The following PRDM15 variants were observed in gnomAD, a reference collection of about 807,000 sequenced individuals.
PRDM15 encodes the protein PR/SET domain 15.
Under a neutral mutation model 128.6 loss-of-function variants are expected in PRDM15, and 64 were observed. The ratio of observed to expected loss-of-function variants is 0.50; its 90% CI spans 0.41 to 0.61. The LOEUF is 0.61. Ranked by LOEUF, PRDM15 falls within the 20% of genes least tolerant of loss-of-function variation. The probability of loss-of-function intolerance (pLI) is 0.00; values close to 1 mark genes in which losing one functional copy is unlikely to be tolerated. For missense variants in PRDM15, 1,242 were observed against 1,569.1 expected (o/e 0.79, Z 3.52); for synonymous variants, 615 against 621.8 (o/e 0.99, Z 0.16).
chr21:41,838,013 C>A lies in PRDM15; in HGVS notation c.922G>T (p.Ala308Ser), dbSNP rs763564984. Residue 308 changes from alanine (A) to serine (S), a missense_variant, in exon 8 of 24, where the codon GCA becomes TCA. Ala to Ser is a moderately conservative substitution (Grantham distance 99). Coordinates refer to ENST00000398548, the MANE Select transcript of PRDM15 (RefSeq NM_001040424.3). ...TCCATGATCCGCTCATCTGGCGTTG[C>A]ACTCACAGGCTCATCCGGAGGGACC... Reference protein sequence around the residue: ...TEVPPDEPVSATPDERIMELV... With the variant: ...TEVPPDEPVSSTPDERIMELV... The A allele has an allele frequency of 3.7e-6, 6 of 1,614,068 alleles. No individual in the cohort carries two copies. In the African/African-American group the frequency reaches 6.7e-5, roughly 18 times the overall value.
intron 6 of PRDM15, among the ~76,000 whole-genome samples, chr21:41,844,475 C>T (rs2063173056): frequency 9.4e-6 from 1 of 106,008 alleles, no homozygotes; most frequent in Admixed American, 1.1e-4. Flanking sequence ...CCTCCCCCCT[C>T]ACAGGGACAC....
intron 10 of PRDM15, 151 bp downstream of exon 10, chr21:41,835,962 A>AC: frequency 5.6e-5 from 7 of 124,748 alleles, no homozygotes; most frequent in South Asian, 1.2e-4. Context: ...CCTCCCCCAC[A>AC]GCCCCCGCCC....
rs2064548413 is a variant in PRDM15, at chr21:41,879,173, C to A, written c.-10+97G>T. ...GCGCGGGGGGCGGGGGGCAGCGGGC[C>A]CAGGGCGCGCCGGGGCTCGCGGGGG... On this transcript the variant is annotated intron_variant, in intron 1 of 23. Transcript: ENST00000398548. This position sits in a 1 kb window ranked among gnomAD's most constrained non-coding sequence, Gnocchi z 5.1. The A allele has an allele frequency of 4.6e-6, 4 of 875,608 alleles. No homozygotes were observed. Among genetic ancestry groups the A allele is most frequent in the Non-Finnish European group, 5.5e-6 (4 of 730,846 alleles). The allele number at this position is 875,608 out of a possible 1,614,324, so 54.2% of individuals were successfully genotyped here.
At position 41,879,317 on chromosome 21, in the gene PRDM15, C is replaced by T; in HGVS notation, c.-57G>A. The T allele has an allele frequency of 9.1e-7, 1 of 1,093,374 alleles. No individual in the cohort carries two copies. Among genetic ancestry groups the T allele is most frequent in the Non-Finnish European group, 1.1e-6 (1 of 890,156 alleles). The allele number at this position is 1,093,374 out of a possible 1,614,324, so 67.7% of individuals were successfully genotyped here. On this transcript the variant is annotated 5_prime_UTR_variant, in exon 1 of 24. Transcript: ENST00000398548. The surrounding 1 kb of genome is among the most constrained non-coding windows in gnomAD (Gnocchi z 5.1). Reference sequence around the variant, plus strand: ...GGGATCGGATCCGGACTCCGGGTTGCGATCCGCTCCGGAAACTGCGCAGCA... The same window carrying T: ...GGGATCGGATCCGGACTCCGGGTTGTGATCCGCTCCGGAAACTGCGCAGCA...
At position 41,865,836 on chromosome 21, in the gene PRDM15, G is replaced by A. The variant is rs191530283; in HGVS notation, c.-9-5464C>T. Among the ~76,000 whole-genome samples the A allele has an allele frequency of 7.6e-4, 115 of 152,056 alleles. 1 individual carries two copies. The highest frequency in any genetic ancestry group is 1.3e-3 in the Admixed American group (20 of 15,270). ...CACAGCTCACTATAGCCTCAAACTCGTGACCTCCTGCGATCCTCCAGCTTC... is the reference window on the plus strand; with the variant it reads ...CACAGCTCACTATAGCCTCAAACTCATGACCTCCTGCGATCCTCCAGCTTC... On this transcript the variant is annotated intron_variant, in intron 1 of 23. Coordinates refer to ENST00000398548, the MANE Select transcript of PRDM15 (RefSeq NM_001040424.3).
intron 22 of PRDM15, among the ~76,000 whole-genome samples, chr21:41,804,012 T>C (rs2061490089): frequency 6.7e-6 from 1 of 150,276 alleles, no homozygotes; most frequent in Admixed American, 6.6e-5. Context: ...TTGCCTGGGC[T>C]GGAGCGCAGT....
At chr21:41,860,130 T>C (rs2063766066) in intron 2 of PRDM15, among the ~76,000 whole-genome samples, 197 bp downstream of exon 2, 3 of 152,226 alleles carry the variant, frequency 2.0e-5, no homozygotes, top group African/African-American at 7.2e-5. Flanking sequence ...AGAAAGGTGA[T>C]CCTATTAAAA....
chr21:41,826,889 G>A (rs1280058150), intron 12 of PRDM15, among the ~76,000 whole-genome samples: 1 of 152,092 alleles, frequency 6.6e-6, no homozygotes, highest in Non-Finnish European at 1.5e-5. Flanking sequence ...AAGACGACCC[G>A]AGTTACATTA....
intron 5 of PRDM15, among the ~76,000 whole-genome samples, chr21:41,850,813 G>A (rs2839395): frequency 0.63 from 96,149 of 152,064 alleles, 30,672 homozygotes; most frequent in Admixed American, 0.71. Context: ...ACTTTTAAAG[G>A]GATGTGTTAC....
intron 6 of PRDM15, among the ~76,000 whole-genome samples, chr21:41,841,179 G>C (rs1185587659): frequency 1.3e-5 from 2 of 152,086 alleles, no homozygotes; most frequent in Admixed American, 1.3e-4. Flanking sequence ...ATCTGTAACA[G>C]GGAAAACAAA....
intron 19 of PRDM15, chr21:41,814,236 G>A (rs1286122409): frequency 1.6e-5 from 1 of 61,946 alleles, no homozygotes; most frequent in African/African-American, 6.4e-5. Context: ...TAGTGATTGC[G>A]CAGGGTGCCC....
chr21:41,856,725 G>A (rs1053114777), intron 4 of PRDM15, among the ~76,000 whole-genome samples: 7 of 152,144 alleles, frequency 4.6e-5, no homozygotes, highest in Admixed American at 1.3e-4. Context: ...TTTTTAGAAC[G>A]GCCAAACTTC....
chr21:41,840,737 G>A (rs1035489581), intron 6 of PRDM15, among the ~76,000 whole-genome samples: 18 of 151,350 alleles, frequency 1.2e-4, no homozygotes, highest in African/African-American at 4.4e-4. Flanking sequence ...AAGCTGAGAG[G>A]AGAAAACTGG....
chr21:41,839,228 G>A (rs907986590), intron 7 of PRDM15, among the ~76,000 whole-genome samples: 13 of 152,196 alleles, frequency 8.5e-5, no homozygotes, highest in African/African-American at 2.9e-4. Flanking sequence ...CCACGTGGGC[G>A]GGTCTCGAGG....
chr21:41,803,431 T>C (rs1174134937), intron 22 of PRDM15, among the ~76,000 whole-genome samples: 1 of 152,246 alleles, frequency 6.6e-6, no homozygotes, highest in Non-Finnish European at 1.5e-5. Context: ...CACGATTCCC[T>C]GCAAGTGTCC....
At position 41,821,975 on chromosome 21, in the gene PRDM15, CGAG is replaced by C. The variant is rs779557290; in HGVS notation, c.1821_1823del (p.Ser608del). On this transcript the variant is annotated inframe_deletion, in exon 15 of 24. Transcript: ENST00000398548. The surrounding 1 kb of genome is among the most constrained non-coding windows in gnomAD (Gnocchi z 5.4). The stretch of plus-strand genomic sequence containing the variant: ...CGTCAGAATTGTCATCGTTTTCTTC[CGAG>C]GAGATCCCGATCTTGCCGATAAACT... The C allele has an allele frequency of 6.2e-7, 1 of 1,614,206 alleles. No homozygotes were observed. The highest frequency in any genetic ancestry group is 1.1e-5 in the South Asian group (1 of 91,090).
chr21:41,820,114 G>A lies in PRDM15; in HGVS notation c.2121C>T (p.Arg707=), dbSNP rs2062201796. 6.2e-7 allele frequency: 1 copy of A among 1,613,880 alleles called. No homozygotes were observed. Among genetic ancestry groups the A allele is most frequent in the East Asian group, 2.2e-5 (1 of 44,874 alleles). ...ACGCACCTGTGTGGATGAGCTTGTG[G>A]CGCTCCAGGTTCCCGATGCTGTTGA... is the stretch of plus-strand genomic sequence containing the variant. ...RIFNSIGNLE[R]HKLIHTGVKS... The change falls in exon 17 of 24, where the codon CGC becomes CGT. Residue 707 remains arginine (R), a synonymous_variant. Transcript: ENST00000398548.
At position 41,854,765 on chromosome 21, in the gene PRDM15, G is replaced by C. The variant is rs1311562511; in HGVS notation, c.339C>G (p.Asp113Glu). 6 of 1,611,842 alleles carry C rather than the reference G, an allele frequency of 3.7e-6. No individual in the cohort carries two copies. Among genetic ancestry groups the C allele is most frequent in the Non-Finnish European group, 5.1e-6 (6 of 1,178,550 alleles). The change falls in exon 5 of 24, where the codon GAC (aspartate) becomes GAG (glutamate). Residue 113 changes from aspartate to glutamate, a missense_variant. This residue lies in a region of PRDM15 where 612 missense variants were observed against 717.0 expected (regional missense o/e 0.85). Coordinates refer to ENST00000398548, the MANE Select transcript of PRDM15 (RefSeq NM_001040424.3). The surrounding 1 kb of genome is among the most constrained non-coding windows in gnomAD (Gnocchi z 4.6). The part of the protein sequence containing the change: ...PVCFDTSNED[D>E]CNWMMLVRPA... ...GCCGCACCAGCATCATCCAGTTGCA[G>C]TCATCCTCGTTGGAGGTGTCGAAGC...
chr21:41,860,404 C>T, intron 1 of PRDM15, 32 bp from the exon 2 acceptor site: 4 of 1,593,908 alleles, frequency 2.5e-6, no homozygotes, highest in Non-Finnish European at 3.4e-6. Flanking sequence ...TCATTAATGA[C>T]AAGCTCTTAC....
Sources: allele counts gnomAD v4.1 joint callset (sites outside exome capture counted in the v4.1 genomes callset), GRCh38; gene constraint gnomAD v4.1.1; regional missense constraint gnomAD v4.1.1; non-coding constraint Gnocchi (gnomAD v3.1); transcripts MANE v1.5; gene names NCBI Gene and HGNC (gene_info 2026-07-23, HGNC 2026-07-21).